PCDHA9: variants seen among roughly 807,000 people sequenced by gnomAD.
The protein encoded by PCDHA9 is protocadherin alpha-9.
A neutral mutation model predicts 62.0 loss-of-function variants in PCDHA9; 62 were observed. That is an observed-to-expected ratio of 1.00 (90% CI 0.81 to 1.23). PCDHA9 has a LOEUF of 1.23. Ranked by LOEUF, PCDHA9 falls within the 50% of genes most tolerant of loss-of-function variation. The pLI is 0.00. For synonymous variants in PCDHA9, 557 were observed against 567.6 expected, an observed-to-expected ratio of 0.98 and a Z score of 0.27; for missense variants, 1,205 against 1,249.8, an observed-to-expected ratio of 0.96 and a Z score of 0.54.
intron 2 of PCDHA9, among the ~76,000 whole-genome samples, chr5:140,979,726 G>A (rs2096861839): frequency 1.3e-5 from 2 of 152,072 alleles, no homozygotes; most frequent in African/African-American, 4.8e-5. Context: ...CATGCCATGG[G>A]GCCAAATAAA....
chr5:140,874,534 CA>C (rs782798422), intron 1 of PCDHA9, among the ~76,000 whole-genome samples: 5 of 152,202 alleles, frequency 3.3e-5, no homozygotes, highest in Non-Finnish European at 5.9e-5. Flanking sequence ...GATTAGGCTC[CA>C]AAACCCTTTA....
chr5:140,992,116 T>A (rs1279382326), intron 3 of PCDHA9, among the ~76,000 whole-genome samples: 1 of 151,688 alleles, frequency 6.6e-6, no homozygotes, highest in Non-Finnish European at 1.5e-5. Context: ...AGATGTGTCA[T>A]GGAAGAACAG....
At position 140,850,367 on chromosome 5, in the gene PCDHA9, GGGGCTGT is replaced by G. The variant is rs1332786840; in HGVS notation, c.1873_1879del (p.Gly625ThrfsTer25). On this transcript the variant is annotated frameshift_variant, in exon 1 of 4. Transcript: ENST00000532602. LOFTEE classifies it high-confidence loss of function. ...CCAGCGCGAGCATCCCGTTCCGCGT[GGGGCTGT>G]ACACGGGCGAGATCAGCACAACGCG... The G allele has an allele frequency of 6.3e-7, 1 of 1,597,800 alleles. No individual in the cohort carries two copies. Among genetic ancestry groups the G allele is most frequent in the Non-Finnish European group, 8.6e-7 (1 of 1,167,664 alleles).
At chr5:140,882,318 G>T (rs534213144) in intron 1 of PCDHA9, 1 of 1,614,128 alleles carries the variant, frequency 6.2e-7, no homozygotes, top group African/African-American at 1.3e-5. Flanking sequence ...CTACTGCTCT[G>T]GCTTCTGATC....
intron 1 of PCDHA9, among the ~76,000 whole-genome samples, chr5:140,879,652 TAACA>T (rs2058069934): frequency 6.6e-6 from 1 of 152,226 alleles, no homozygotes; most frequent in African/African-American, 2.4e-5. Context: ...GTGGCTGCTA[TAACA>T]AACGAACACA....
At chr5:140,879,375 C>T (rs2057967921) in intron 1 of PCDHA9, among the ~76,000 whole-genome samples, 1 of 152,076 alleles carries the variant, frequency 6.6e-6, no homozygotes, top group Non-Finnish European at 1.5e-5. Context: ...ACCTGCAGAA[C>T]AAGGTTGGAG....
At chr5:140,856,737 T>C (rs369958206) in intron 1 of PCDHA9, 7 of 1,595,910 alleles carry the variant, frequency 4.4e-6, no homozygotes, top group African/African-American at 1.3e-5. Context: ...CTGCTGATCC[T>C]GGTGTTAGAT....
intron 1 of PCDHA9, among the ~76,000 whole-genome samples, chr5:140,893,358 C>A (rs1385049897): frequency 2.0e-5 from 3 of 152,134 alleles, no homozygotes; most frequent in Admixed American, 6.5e-5. Context: ...AATTTACATG[C>A]CCACCAACAG....
At chr5:141,005,332 A>G (rs1479899678) in intron 3 of PCDHA9, among the ~76,000 whole-genome samples, 2 of 152,188 alleles carry the variant, frequency 1.3e-5, no homozygotes, top group Non-Finnish European at 2.9e-5. Context: ...ATAATAGGCC[A>G]AGGGGGTGCT....
chr5:140,981,969 T>C (rs1438723039), intron 2 of PCDHA9, among the ~76,000 whole-genome samples: 1 of 152,146 alleles, frequency 6.6e-6, no homozygotes, highest in African/African-American at 2.4e-5. Context: ...ATAAAAGATA[T>C]AGAAAGAGTA....
In PCDHA9 at chr5:140,848,503, A is replaced by G. The variant is rs2150411513; in HGVS notation, c.8A>G (p.Tyr3Cys). 2.1e-5 allele frequency: 33 copies of G among 1,586,850 alleles called. 4 individuals are homozygous for G. Among genetic ancestry groups the G allele is most frequent in the African/African-American group, 4.1e-5 (3 of 74,020 alleles). ML[Y>C]SSRGDPEGQP... Reference sequence around the variant, plus strand: ...GAAGACTGAGTATTTGAAATGTTATACTCAAGTCGAGGAGATCCAGAGGGT... The same window carrying G: ...GAAGACTGAGTATTTGAAATGTTATGCTCAAGTCGAGGAGATCCAGAGGGT... The change falls in exon 1 of 4, where the codon TAC becomes TGC. Residue 3 changes from tyrosine to cysteine, a missense_variant. Coordinates refer to ENST00000532602, the MANE Select transcript of PCDHA9 (RefSeq NM_031857.2).
intron 1 of PCDHA9, chr5:140,884,455 G>A: frequency 2.5e-6 from 4 of 1,613,784 alleles, no homozygotes; most frequent in Non-Finnish European, 3.4e-6. Flanking sequence ...CGCCCACCGA[G>A]GGCGCGTGCG....
Position 140,884,432 on chromosome 5 carries a change from C to A in PCDHA9, c.2394+33543C>A, listed in dbSNP as rs782413139. ...CACGTTGCTGCTGTATACTGCGCTG[C>A]GGTGCTCGGCACCGCCCACCGAGGG... On this transcript the variant is annotated intron_variant, in intron 1 of 3. Coordinates refer to ENST00000532602, the MANE Select transcript of PCDHA9 (RefSeq NM_031857.2). The A allele has an allele frequency of 4.3e-6, 7 of 1,613,764 alleles. No individual in the cohort carries two copies. The highest frequency in any genetic ancestry group is 5.1e-6 in the Non-Finnish European group (6 of 1,179,866).
At chr5:141,007,974 A>G (rs2098354254) in intron 3 of PCDHA9, among the ~76,000 whole-genome samples, 1 of 152,220 alleles carries the variant, frequency 6.6e-6, no homozygotes, top group Non-Finnish European at 1.5e-5. Flanking sequence ...GGTGTCTGTC[A>G]TGTATATATG....
chr5:140,882,505 G>A (rs782409687), intron 1 of PCDHA9: 13 of 1,614,168 alleles, frequency 8.1e-6, no homozygotes, highest in South Asian at 2.2e-5. Flanking sequence ...AGGTAAATCT[G>A]CAGAATGGCA....
intron 1 of PCDHA9, among the ~76,000 whole-genome samples, chr5:140,953,761 A>C (rs1016551787): frequency 6.6e-6 from 1 of 152,202 alleles, no homozygotes; most frequent in Non-Finnish European, 1.5e-5. Flanking sequence ...TCCAAGAATT[A>C]AATTTAATAT....
intron 1 of PCDHA9, chr5:140,926,849 C>A: frequency 6.6e-7 from 1 of 1,517,430 alleles, no homozygotes. Flanking sequence ...CCTGGGTCAC[C>A]GTTGGTGTAG....
At chr5:140,862,657 C>A (rs2047475881) in intron 1 of PCDHA9, 6 of 545,246 alleles carry the variant, frequency 1.1e-5, no homozygotes, top group Admixed American at 9.6e-5. Flanking sequence ...CGCGCGGGAC[C>A]GGGACGCGCA....
intron 1 of PCDHA9, among the ~76,000 whole-genome samples, chr5:140,889,267 A>T (rs1376262292): frequency 6.6e-6 from 1 of 151,966 alleles, no homozygotes; most frequent in Non-Finnish European, 1.5e-5. Context: ...AAGTTTGTAT[A>T]ATCTTTGAAT....
Sources: gnomAD v4.1 joint callset for allele counts (sites outside exome capture counted in the v4.1 genomes callset) on GRCh38, gnomAD v4.1.1 for gene constraint, MANE v1.5 for transcripts, NCBI Gene and HGNC (gene_info 2026-07-23, HGNC 2026-07-21) for gene names.